OXR1: variants seen among roughly 807,000 people sequenced by gnomAD.
OXR1 encodes the protein oxidation resistance protein 1.
OXR1 carries 41 observed loss-of-function variants against 104.6 expected under a neutral mutation model. That is an observed-to-expected ratio of 0.39 (90% confidence interval 0.31 to 0.51). The LOEUF (loss-of-function observed/expected upper bound fraction) is 0.51, where lower values mean the gene tolerates loss of function less well. OXR1 is among the 20% of genes least tolerant of loss of function. The pLI is 0.77. For missense variants in OXR1, 955 were observed against 1,031.9 expected, an observed-to-expected ratio of 0.93 and a Z score of 1.02; for synonymous variants, 348 against 348.4, an observed-to-expected ratio of 1.00 and a Z score of 0.01.
At chr8:106,648,976 A>T (rs1291297562) in intron 3 of OXR1, among the ~76,000 whole-genome samples, 1 of 152,196 alleles carries the variant, frequency 6.6e-6, no homozygotes, top group Non-Finnish European at 1.5e-5. Flanking sequence ...AAGCAGAGGC[A>T]TGCAGATCGT....
intron 3 of OXR1, among the ~76,000 whole-genome samples, chr8:106,557,978 C>T (rs1245147277): frequency 6.6e-6 from 1 of 152,198 alleles, no homozygotes; most frequent in Non-Finnish European, 1.5e-5. Context: ...AAGTATATTA[C>T]ATTTTACTGT....
Position 106,448,118 on chromosome 8 carries a change from A to G in OXR1, c.24-70825A>G, listed in dbSNP as rs554571199. 80 of 1,462,076 alleles carry G rather than the reference A, an allele frequency of 5.5e-5. No individual in the cohort carries two copies. The African/African-American group carries it at 6.5e-4, about 12-fold the overall frequency. 90.6% of individuals were successfully genotyped at this position (1,462,076 alleles called of 1,614,324 possible). A position where few individuals can be genotyped will look rare whatever the true frequency, so the allele number is the denominator to read the frequency against. ...TATGAAGAAAACGTTTCCTAGTTCCATTATAAAATAGCTCTCTGATTTCTG... is the reference window on the plus strand; with the variant it reads ...TATGAAGAAAACGTTTCCTAGTTCCGTTATAAAATAGCTCTCTGATTTCTG... On this transcript the variant is annotated intron_variant, in intron 2 of 16. Transcript: ENST00000517566.
chr8:106,435,828 C>A (rs16874615), intron 2 of OXR1, among the ~76,000 whole-genome samples: 28 of 152,072 alleles, frequency 1.8e-4, no homozygotes, highest in Middle Eastern at 6.8e-3. Flanking sequence ...CTTTGTGTGA[C>A]ATATTTCGTC....
At chr8:106,284,728 C>T (rs1812421571) in intron 1 of OXR1, among the ~76,000 whole-genome samples, 1 of 152,050 alleles carries the variant, frequency 6.6e-6, no homozygotes, top group African/African-American at 2.4e-5. Flanking sequence ...TTCTAAACCA[C>T]TTGCCTTTGT....
chr8:106,666,872 T>C (rs1227908969), intron 3 of OXR1, among the ~76,000 whole-genome samples: 4 of 152,180 alleles, frequency 2.6e-5, no homozygotes, highest in African/African-American at 7.2e-5. Flanking sequence ...CAGATTGGCA[T>C]AGGAGAAGGT....
At chr8:106,680,510 A>G (rs917401479) in intron 4 of OXR1, among the ~76,000 whole-genome samples, 57 of 151,668 alleles carry the variant, frequency 3.8e-4, no homozygotes, top group African/African-American at 1.3e-3. Context: ...TTTCTCCAGA[A>G]CTCTAATTTT....
intron 3 of OXR1, among the ~76,000 whole-genome samples, chr8:106,615,187 T>A (rs953782897): frequency 1.3e-5 from 2 of 151,930 alleles, no homozygotes; most frequent in African/African-American, 4.8e-5. Context: ...CCCAACACTT[T>A]GGGAGGCCGA....
At chr8:106,694,687 AAATATATG>A (rs1405764151) in intron 7 of OXR1, among the ~76,000 whole-genome samples, 15 of 111,710 alleles carry the variant, frequency 1.3e-4, no homozygotes, top group East Asian at 5.2e-4. Flanking sequence ...TTTAATATAT[AAATATATG>A]TTTATATATT....
chr8:106,288,520 AT>A (rs1812590829), intron 1 of OXR1, among the ~76,000 whole-genome samples: 1 of 103,418 alleles, frequency 9.7e-6, no homozygotes, highest in African/African-American at 6.0e-5. Context: ...GTGTGTGTAT[AT>A]ATATATGTAT....
At chr8:106,632,679 T>A (rs1270164601) in intron 3 of OXR1, among the ~76,000 whole-genome samples, 1 of 152,214 alleles carries the variant, frequency 6.6e-6, no homozygotes, top group Non-Finnish European at 1.5e-5. Context: ...TCATACAATT[T>A]TTACTTATGC....
At chr8:106,562,715 A>G (rs1180429965) in intron 3 of OXR1, among the ~76,000 whole-genome samples, 1 of 152,184 alleles carries the variant, frequency 6.6e-6, no homozygotes, top group Non-Finnish European at 1.5e-5. Flanking sequence ...AAGGGCAGCC[A>G]GAGAGAAAGG....
At chr8:106,721,639 A>G (rs971955850) in intron 11 of OXR1, among the ~76,000 whole-genome samples, 4 of 152,202 alleles carry the variant, frequency 2.6e-5, no homozygotes, top group African/African-American at 4.8e-5. Context: ...CATTTTCTCA[A>G]TAATTGAAGT....
At chr8:106,381,323 G>A (rs1342323302) in intron 2 of OXR1, among the ~76,000 whole-genome samples, 1 of 152,142 alleles carries the variant, frequency 6.6e-6, no homozygotes, top group Non-Finnish European at 1.5e-5. Context: ...CATTAAGCTG[G>A]AATGCGATGA....
chr8:106,520,752 C>A (rs1423288062), intron 3 of OXR1, among the ~76,000 whole-genome samples: 5 of 152,232 alleles, frequency 3.3e-5, no homozygotes, highest in Non-Finnish European at 5.9e-5. Flanking sequence ...CTCTCCTCTG[C>A]AACATGTCTG....
chr8:106,677,495 C>A (rs977758959), intron 3 of OXR1, among the ~76,000 whole-genome samples: 1 of 152,062 alleles, frequency 6.6e-6, no homozygotes, highest in Non-Finnish European at 1.5e-5. Flanking sequence ...TACTGTCAAA[C>A]AGTATGTGAC....
intron 7 of OXR1, 61 bp from the exon 8 acceptor site, chr8:106,702,845 C>G: frequency 8.0e-7 from 1 of 1,243,788 alleles, no homozygotes; most frequent in Admixed American, 2.1e-5. Context: ...GTAAAAATAG[C>G]TAGATAATTT....
At chr8:106,748,513 A>G (rs761951311) in intron 16 of OXR1, among the ~76,000 whole-genome samples, 47 of 134,894 alleles carry the variant, frequency 3.5e-4, no homozygotes, top group Admixed American at 7.5e-4. Context: ...GTGAATTACT[A>G]TACTGATCTG....
chr8:106,413,475 G>C (rs1563509762), intron 2 of OXR1, among the ~76,000 whole-genome samples: 1 of 152,090 alleles, frequency 6.6e-6, no homozygotes. Context: ...CTAGACAGAG[G>C]TAGTGATTGC....
chr8:106,561,770 A>G (rs1439060287), intron 3 of OXR1, among the ~76,000 whole-genome samples: 1 of 152,198 alleles, frequency 6.6e-6, no homozygotes, highest in African/African-American at 2.4e-5. Context: ...CGAAGCTTCC[A>G]GAGGAAGGAA....
Sources: gnomAD v4.1 joint callset for allele counts (sites outside exome capture counted in the v4.1 genomes callset) on GRCh38, gnomAD v4.1.1 for gene constraint, MANE v1.5 for transcripts, NCBI Gene and HGNC (gene_info 2026-07-23, HGNC 2026-07-21) for gene names.